FGD4: variants seen among roughly 807,000 people sequenced by gnomAD.
FGD4 encodes FYVE, RhoGEF and PH domain-containing protein 4.
A neutral mutation model predicts 102.0 loss-of-function variants in FGD4; 42 were observed. The ratio of observed to expected loss-of-function variants is 0.41; its 90% confidence interval spans 0.32 to 0.53. The LOEUF is 0.53. Ranked by LOEUF, FGD4 falls within the 20% of genes least tolerant of loss-of-function variation. FGD4 has a pLI of 0.21. For missense variants in FGD4, 902 were observed against 1,078.2 expected (o/e 0.84, Z 2.29); for synonymous variants, 380 against 375.7 (o/e 1.01, Z -0.13).
chr12:32,580,913 A>G (rs1946564279), intron 3 of FGD4, among the ~76,000 whole-genome samples: 1 of 152,078 alleles, frequency 6.6e-6, no homozygotes, highest in East Asian at 1.9e-4. Flanking sequence ...AATCTGTACA[A>G]ATATTTCCAC....
At chr12:32,423,869 T>TTTTTTC (rs1235750688) in intron 1 of FGD4, among the ~76,000 whole-genome samples, 5 of 151,030 alleles carry the variant, frequency 3.3e-5, no homozygotes, top group Non-Finnish European at 7.4e-5. Context: ...GTGTTTTTTT[T>TTTTTTC]TTTTTCTTTT....
chr12:32,439,192 A>G (rs1942343875), intron 1 of FGD4, among the ~76,000 whole-genome samples: 1 of 152,228 alleles, frequency 6.6e-6, no homozygotes. Context: ...TAACTTTTAC[A>G]GATTCCACAT....
intron 1 of FGD4, among the ~76,000 whole-genome samples, chr12:32,485,113 C>T (rs1296889490): frequency 1.3e-5 from 2 of 152,126 alleles, no homozygotes; most frequent in East Asian, 3.9e-4. Context: ...CACCATGTTG[C>T]CTAGGTTGGT....
chr12:32,576,512 A>G, intron 3 of FGD4, 63 bp downstream of exon 3: 1 of 1,520,838 alleles, frequency 6.6e-7, no homozygotes, highest in Non-Finnish European at 9.1e-7. Flanking sequence ...CGAAAAAATG[A>G]TAGTCATAGA....
intron 4 of FGD4, among the ~76,000 whole-genome samples, chr12:32,593,278 T>C (rs1947628324): frequency 6.6e-6 from 1 of 152,214 alleles, no homozygotes; most frequent in Non-Finnish European, 1.5e-5. Context: ...ATGGTGGTAT[T>C]ATTATTGCTG....
At chr12:32,520,803 G>A (rs756971906) in intron 1 of FGD4, among the ~76,000 whole-genome samples, 23 of 152,114 alleles carry the variant, frequency 1.5e-4, no homozygotes, top group Non-Finnish European at 2.8e-4. Context: ...CCTACATTGT[G>A]TGCGAATATG....
In FGD4 at chr12:32,599,563, TTG is replaced by T. The variant is rs1483264829; in HGVS notation, c.1101+978_1101+979del. Among the ~76,000 whole-genome samples the T allele has an allele frequency of 3.2e-3, 242 of 76,634 alleles. 6 individuals carry two copies. The highest frequency in any genetic ancestry group is 4.4e-3 in the African/African-American group (58 of 13,226). 50.3% of individuals were successfully genotyped at this position (76,634 alleles called of 152,430 possible). On this transcript the variant is annotated intron_variant, in intron 5 of 16. Coordinates refer to ENST00000534526, the MANE Select transcript of FGD4 (RefSeq NM_001370298.3). The stretch of plus-strand genomic sequence containing the variant: ...TTTTTTTTTTTTTTTTTTTTTTTTT[TTG>T]GAGATGGAGTCTGGCCCTGTCGCCC...
intron 2 of FGD4, among the ~76,000 whole-genome samples, chr12:32,567,984 AGCCTATT>A (rs1405258454): frequency 6.6e-6 from 1 of 152,172 alleles, no homozygotes; most frequent in Non-Finnish European, 1.5e-5. Context: ...CACTGTGCCC[AGCCTATT>A]GTGGTAATTT....
chr12:32,572,054 G>A (rs902093751), intron 2 of FGD4, among the ~76,000 whole-genome samples: 2 of 151,608 alleles, frequency 1.3e-5, no homozygotes, highest in Admixed American at 6.6e-5. Context: ...GACAGAGCAA[G>A]ACCATCTGTG....
At chr12:32,534,621 C>A in intron 1 of FGD4, 1 of 551,996 alleles carries the variant, frequency 1.8e-6, no homozygotes, top group Non-Finnish European at 2.9e-6. Context: ...GTTAATAAAG[C>A]TCACATTGGT....
At position 32,640,265 on chromosome 12, in the gene FGD4, C is replaced by G; in HGVS notation, c.2455-11C>G. 1.2e-6 allele frequency: 2 copies of G among 1,614,136 alleles called. No individual in the cohort carries two copies. Among genetic ancestry groups the G allele is most frequent in the Non-Finnish European group, 1.7e-6 (2 of 1,180,016 alleles). ...ATCACCTGCTTTTAATGTCTGATGT[C>G]TTTTCTTTAGGACGTCAGAGCCCAG... is the stretch of plus-strand genomic sequence containing the variant. On this transcript the variant is annotated splice_polypyrimidine_tract_variant and intron_variant, in intron 16 of 16. Coordinates refer to ENST00000534526, the MANE Select transcript of FGD4 (RefSeq NM_001370298.3).
intron 1 of FGD4, among the ~76,000 whole-genome samples, chr12:32,563,016 G>A (rs569350788): frequency 0.036 from 5,102 of 140,282 alleles, 307 homozygotes; most frequent in African/African-American, 0.13. Context: ...CTCACCTCCC[G>A]GACGGGGCGG....
chr12:32,627,823 C>T (rs1565925595), intron 14 of FGD4, among the ~76,000 whole-genome samples: 1 of 151,972 alleles, frequency 6.6e-6, no homozygotes, highest in Non-Finnish European at 1.5e-5. Context: ...AGAGAAGTCT[C>T]AATTGGATAA....
chr12:32,460,383 T>C (rs1943070137), intron 1 of FGD4, among the ~76,000 whole-genome samples: 1 of 151,624 alleles, frequency 6.6e-6, no homozygotes, highest in South Asian at 2.1e-4. Context: ...CTGGTGGTGG[T>C]GCGTGCCCGT....
chr12:32,546,794 G>A (rs1440575819), intron 1 of FGD4, among the ~76,000 whole-genome samples: 1 of 152,206 alleles, frequency 6.6e-6, no homozygotes, highest in African/African-American at 2.4e-5. Context: ...TCAGAAATGG[G>A]GAGCAGAACA....
intron 1 of FGD4, among the ~76,000 whole-genome samples, chr12:32,411,321 C>G (rs111851680): frequency 0.063 from 9,514 of 151,670 alleles, 421 homozygotes; most frequent in Middle Eastern, 0.15. Flanking sequence ...CGGATCACGA[C>G]GTCAGGAGTT....
chr12:32,426,488 G>A (rs546047609), intron 1 of FGD4, among the ~76,000 whole-genome samples: 2 of 152,128 alleles, frequency 1.3e-5, no homozygotes, highest in East Asian at 1.9e-4. Flanking sequence ...GAGGATTTTC[G>A]CATCGATGTT....
rs553313286 is a variant in FGD4 at position 32,525,763 on chromosome 12, C to T, written c.167-38374C>T. 3.4e-3 allele frequency among the ~76,000 whole-genome samples: 517 copies of T among 152,344 alleles called. 6 individuals carry two copies. The highest frequency in any genetic ancestry group is 0.012 in the African/African-American group (499 of 41,584). The stretch of plus-strand genomic sequence containing the variant: ...GCGTGGGCTTGGTGGGCCCCGCACT[C>T]GGAGCAGCCAGCCAGCCCTGCTGGC... On this transcript the variant is annotated intron_variant, in intron 1 of 16. Transcript: ENST00000534526.
At chr12:32,563,072 G>T (rs1349335307) in intron 1 of FGD4, among the ~76,000 whole-genome samples, 1 of 147,918 alleles carries the variant, frequency 6.8e-6, no homozygotes, top group Non-Finnish European at 1.5e-5. Flanking sequence ...CCCGGACGGG[G>T]CGGCTGGCCG....
Sources: gnomAD v4.1 joint callset for allele counts (sites outside exome capture counted in the v4.1 genomes callset) on GRCh38, gnomAD v4.1.1 for gene constraint, MANE v1.5 for transcripts, NCBI Gene and HGNC (gene_info 2026-07-23, HGNC 2026-07-21) for gene names.